The following CSMD1 variants were observed in gnomAD, a reference collection of about 807,000 sequenced individuals.
CSMD1 encodes the protein CUB and sushi domain-containing protein 1.
CSMD1 carries 213 observed loss-of-function variants against 417.5 expected under a neutral mutation model. The ratio of observed to expected loss-of-function variants is 0.51; its 90% CI spans 0.46 to 0.57. The LOEUF is 0.57. Among genes scored for constraint, CSMD1 ranks in the 20% least tolerant of loss-of-function variants. The probability of loss-of-function intolerance (pLI) is 0.00; values close to 1 mark genes in which losing one functional copy is unlikely to be tolerated. For synonymous variants in CSMD1, 2,862 were observed against 1,736.8 expected (o/e 1.65, Z -16.11); for missense variants, 6,923 against 4,529.7 (o/e 1.53, Z -15.17).
intron 1 of CSMD1, among the ~76,000 whole-genome samples, chr8:4,716,132 C>T (rs1808638874): frequency 6.6e-6 from 1 of 152,178 alleles, no homozygotes; most frequent in South Asian, 2.1e-4. Flanking sequence ...GTGAGATGAC[C>T]TGCCTGGTGA....
At chr8:4,761,726 G>T (rs1022263831) in intron 1 of CSMD1, among the ~76,000 whole-genome samples, 1 of 152,054 alleles carries the variant, frequency 6.6e-6, no homozygotes, top group Admixed American at 6.6e-5. Context: ...CTGAAGTAAT[G>T]AATTAGGGCA....
intron 5 of CSMD1, among the ~76,000 whole-genome samples, chr8:3,927,209 TA>T (rs1809798707): frequency 6.6e-6 from 1 of 152,016 alleles, no homozygotes; most frequent in Non-Finnish European, 1.5e-5. Flanking sequence ...CAGCTTCTAA[TA>T]AATAAATGCT....
intron 5 of CSMD1, among the ~76,000 whole-genome samples, chr8:3,789,637 AT>A (rs887142570): frequency 6.6e-6 from 1 of 151,938 alleles, no homozygotes; most frequent in African/African-American, 2.4e-5. Context: ...CCTCTAAAAA[AT>A]AATAGTGAAA....
chr8:3,274,334 T>A (rs1802100481), intron 26 of CSMD1, among the ~76,000 whole-genome samples: 1 of 152,128 alleles, frequency 6.6e-6, no homozygotes, highest in South Asian at 2.1e-4. Context: ...TGCTGAGGAG[T>A]GCTTTACTTC....
chr8:3,276,142 C>T (rs1018015421), intron 26 of CSMD1, among the ~76,000 whole-genome samples: 14 of 152,114 alleles, frequency 9.2e-5, no homozygotes, highest in African/African-American at 3.4e-4. Context: ...AGTTTTCCTT[C>T]TAACAGTCAG....
At chr8:3,810,104 C>G (rs967060744) in intron 5 of CSMD1, among the ~76,000 whole-genome samples, 12 of 152,158 alleles carry the variant, frequency 7.9e-5, no homozygotes, top group African/African-American at 2.4e-4. Flanking sequence ...ATTCAGCTGT[C>G]TTTCTGCCTT....
chr8:3,177,518 A>C (rs1388215024), intron 37 of CSMD1, among the ~76,000 whole-genome samples: 1 of 152,238 alleles, frequency 6.6e-6, no homozygotes, highest in African/African-American at 2.4e-5. Context: ...CTGCTCTATA[A>C]AAGGTGTGTT....
Position 4,342,494 on chromosome 8 carries a change from G to A in CSMD1, c.415+77459C>T, listed in dbSNP as rs1800536627. On this transcript the variant is annotated intron_variant, in intron 3 of 69. Coordinates refer to ENST00000635120, the MANE Select transcript of CSMD1 (RefSeq NM_033225.6). ...GCAGAAAAAGCACAGGACTAAATCA[G>A]CCAGGGTAGGTTTCATTCCGAACTC... Among the ~76,000 whole-genome samples the A allele has an allele frequency of 2.0e-5, 3 of 152,158 alleles. 1 individual carries two copies. The South Asian group carries it at 6.2e-4, about 32-fold the overall frequency.
At chr8:4,325,992 C>T (rs1035099658) in intron 3 of CSMD1, among the ~76,000 whole-genome samples, 1 of 152,108 alleles carries the variant, frequency 6.6e-6, no homozygotes, top group African/African-American at 2.4e-5. Flanking sequence ...ACCTGGGGTA[C>T]GAACTCAGTA....
chr8:3,318,590 G>A (rs753309423), intron 23 of CSMD1, among the ~76,000 whole-genome samples: 91 of 152,286 alleles, frequency 6.0e-4, no homozygotes, highest in Non-Finnish European at 7.9e-4. Context: ...AGTATCTTTC[G>A]TGACACAATG....
chr8:4,513,010 T>A (rs1226892023), intron 2 of CSMD1, among the ~76,000 whole-genome samples: 1 of 152,084 alleles, frequency 6.6e-6, no homozygotes. Context: ...GAGAGAAGGA[T>A]TAATAAGCAG....
At chr8:3,684,875 T>C (rs986120969) in intron 7 of CSMD1, among the ~76,000 whole-genome samples, 1 of 152,172 alleles carries the variant, frequency 6.6e-6, no homozygotes, top group African/African-American at 2.4e-5. Context: ...TTACATACTT[T>C]ATTGCAGTTC....
chr8:3,428,935 G>C (rs270064), intron 12 of CSMD1, among the ~76,000 whole-genome samples: 131,420 of 152,208 alleles, frequency 0.86, 57,105 homozygotes, highest in Non-Finnish European at 0.92. Context: ...GTGAGCCAGT[G>C]ACAGAAAGAC....
In CSMD1 at chr8:3,060,167, T is replaced by TTC. The variant is rs1554501868; in HGVS notation, c.7475-7521_7475-7520insGA. Reference sequence around the variant, plus strand: ...TACTAACAACTTTTTTTTTTTTTTTTCTGAGTCTCACTCTGTCGCCCAGGC... The same window carrying TTC: ...TACTAACAACTTTTTTTTTTTTTTTTTCCTGAGTCTCACTCTGTCGCCCAGGC... On this transcript the variant is annotated intron_variant, in intron 49 of 69. Coordinates refer to ENST00000635120, the MANE Select transcript of CSMD1 (RefSeq NM_033225.6). 6.6e-5 allele frequency among the ~76,000 whole-genome samples: 10 copies of TTC among 151,646 alleles called. No individual in the cohort carries two copies. In the East Asian group the frequency reaches 1.2e-3, roughly 18 times the overall value.
At chr8:2,969,850 A>T (rs375430765) in intron 57 of CSMD1, among the ~76,000 whole-genome samples, 1 of 152,134 alleles carries the variant, frequency 6.6e-6, no homozygotes, top group African/African-American at 2.4e-5. Flanking sequence ...TTTTATACAT[A>T]ATTTGTTGCC....
At position 3,392,850 on chromosome 8, in the gene CSMD1, A is replaced by G. The variant is rs191105666; in HGVS notation, c.2593+3344T>C. The stretch of plus-strand genomic sequence containing the variant: ...AGCCTCTGAAAGCACTCATATCTCT[A>G]CACCACCCACAGAAATAGCAACCAG... On this transcript the variant is annotated intron_variant, in intron 17 of 69. Transcript: ENST00000635120. 1.6e-3 allele frequency among the ~76,000 whole-genome samples: 248 copies of G among 152,158 alleles called. 1 individual carries two copies. Among genetic ancestry groups the G allele is most frequent in the Middle Eastern group, 6.8e-3 (2 of 294 alleles).
intron 7 of CSMD1, among the ~76,000 whole-genome samples, chr8:3,623,182 T>C (rs1796338386): frequency 6.6e-6 from 1 of 152,220 alleles, no homozygotes. Flanking sequence ...TTTAAAAGTA[T>C]AAATTACATA....
At chr8:3,727,974 T>C (rs1039861271) in intron 6 of CSMD1, among the ~76,000 whole-genome samples, 1 of 152,134 alleles carries the variant, frequency 6.6e-6, no homozygotes, top group Admixed American at 6.5e-5. Flanking sequence ...GGGTGCAGAC[T>C]TTCAGTTTTG....
intron 3 of CSMD1, among the ~76,000 whole-genome samples, chr8:4,398,999 AC>A (rs1350943135): frequency 1.3e-5 from 2 of 152,250 alleles, no homozygotes; most frequent in Non-Finnish European, 2.9e-5. Flanking sequence ...TTTACTGAGC[AC>A]CTAATATGTA....
Sources: gnomAD v4.1 joint callset for allele counts (sites outside exome capture counted in the v4.1 genomes callset) on GRCh38, gnomAD v4.1.1 for gene constraint, MANE v1.5 for transcripts, NCBI Gene and HGNC (gene_info 2026-07-23, HGNC 2026-07-21) for gene names.